LUZP2: variants seen among roughly 807,000 people sequenced by gnomAD.
LUZP2 encodes leucine zipper protein 2.
A neutral mutation model predicts 51.6 loss-of-function variants in LUZP2; 52 were observed. The observed-to-expected ratio is 1.01, with a 90% CI of 0.81 to 1.27. LUZP2 has a LOEUF of 1.27. Ranked by LOEUF, LUZP2 falls within the 50% of genes most tolerant of loss-of-function variation. The pLI is 0.00. For synonymous variants in LUZP2, 154 were observed against 137.3 expected (o/e 1.12, Z -0.85); for missense variants, 436 against 395.4 (o/e 1.10, Z -0.87).
intron 1 of LUZP2, among the ~76,000 whole-genome samples, chr11:24,591,016 G>A (rs1037989643): frequency 2.6e-5 from 4 of 152,162 alleles, no homozygotes; most frequent in Admixed American, 6.6e-5. Flanking sequence ...AGGCTGAGGA[G>A]GCAGATCACT....
chr11:25,004,147 G>C (rs368960008), intron 9 of LUZP2, among the ~76,000 whole-genome samples: 8 of 152,308 alleles, frequency 5.3e-5, no homozygotes, highest in African/African-American at 1.9e-4. Context: ...CCTGAGTCCA[G>C]TTGTTGGATC....
chr11:24,743,673 C>A (rs112319079), intron 4 of LUZP2, among the ~76,000 whole-genome samples: 1 of 152,008 alleles, frequency 6.6e-6, no homozygotes, highest in Non-Finnish European at 1.5e-5. Context: ...AATTTGGATG[C>A]CATTTATTTC....
chr11:24,628,073 T>C (rs1854745462), intron 1 of LUZP2, among the ~76,000 whole-genome samples: 1 of 152,098 alleles, frequency 6.6e-6, no homozygotes, highest in African/African-American at 2.4e-5. Flanking sequence ...AGTTATAAAG[T>C]AAAATATTCT....
chr11:24,683,856 C>T (rs1185948913), intron 1 of LUZP2, among the ~76,000 whole-genome samples: 2 of 152,090 alleles, frequency 1.3e-5, no homozygotes, highest in Non-Finnish European at 2.9e-5. Context: ...GAAGGTTCAA[C>T]TGGCATTGCA....
intron 1 of LUZP2, among the ~76,000 whole-genome samples, chr11:24,565,744 T>C: frequency 6.6e-6 from 1 of 152,008 alleles, no homozygotes; most frequent in East Asian, 1.9e-4. Context: ...AACAGCAAGA[T>C]AATACTAAAA....
chr11:24,950,337 A>G (rs1050333516), intron 7 of LUZP2, among the ~76,000 whole-genome samples: 2 of 151,578 alleles, frequency 1.3e-5, no homozygotes, highest in Non-Finnish European at 3.0e-5. Context: ...ATGATTTCCT[A>G]TGTTCAGTAA....
chr11:24,985,513 TGACAATCTTCTGACCTATGTAG>T (rs1178725031), intron 9 of LUZP2, among the ~76,000 whole-genome samples: 1 of 151,812 alleles, frequency 6.6e-6, no homozygotes, highest in East Asian at 1.9e-4. Context: ...ATAAACCATG[TGACAATCTTCTGACCTATGTAG>T]GAGAGGATGG....
At chr11:24,745,223 C>T (rs1859334192) in intron 4 of LUZP2, among the ~76,000 whole-genome samples, 3 of 152,096 alleles carry the variant, frequency 2.0e-5, no homozygotes, top group Admixed American at 6.6e-5. Context: ...TCTGTTAAGT[C>T]CATTTGTTCC....
intron 1 of LUZP2, among the ~76,000 whole-genome samples, chr11:24,728,873 A>G (rs775978666): frequency 2.6e-5 from 4 of 151,980 alleles, no homozygotes; most frequent in Non-Finnish European, 5.9e-5. Context: ...AGGCCTCCCA[A>G]TCATGGAAGA....
At chr11:24,693,449 C>T (rs1477931099) in intron 1 of LUZP2, among the ~76,000 whole-genome samples, 1 of 151,528 alleles carries the variant, frequency 6.6e-6, no homozygotes, top group East Asian at 1.9e-4. Flanking sequence ...TACTGTTTTC[C>T]ATATATTTTA....
chr11:24,566,623 TACACACAC>T (rs753647707), intron 1 of LUZP2, among the ~76,000 whole-genome samples: 4 of 145,274 alleles, frequency 2.8e-5, no homozygotes, highest in Non-Finnish European at 4.5e-5. Context: ...TGTATAGATA[TACACACAC>T]ACACACACAC....
At chr11:24,697,556 T>C (rs1423200459) in intron 1 of LUZP2, among the ~76,000 whole-genome samples, 1 of 152,148 alleles carries the variant, frequency 6.6e-6, no homozygotes, top group African/African-American at 2.4e-5. Context: ...TGGAAGAAAT[T>C]TAGTTTGTAG....
rs528835510 is a variant in LUZP2 at position 24,901,801 on chromosome 11, C to T, written c.397-4190C>T. On this transcript the variant is annotated intron_variant, in intron 5 of 11. Transcript: ENST00000336930. ...ATCCATTGACCTCCATAATTCTGCTCATTGGCTATAAATCCCCAGCTGTCT... is the reference window on the plus strand; with the variant it reads ...ATCCATTGACCTCCATAATTCTGCTTATTGGCTATAAATCCCCAGCTGTCT... 8.6e-4 allele frequency among the ~76,000 whole-genome samples: 131 copies of T among 152,246 alleles called. 3 individuals are homozygous for T. The South Asian group carries it at 0.027, about 31-fold the overall frequency.
chr11:24,685,430 C>T (rs921952647), intron 1 of LUZP2, among the ~76,000 whole-genome samples: 1 of 152,140 alleles, frequency 6.6e-6, no homozygotes, highest in African/African-American at 2.4e-5. Flanking sequence ...ATACACCCTC[C>T]TCACACAGCA....
At chr11:24,524,964 G>C (rs2133809658) in intron 1 of LUZP2, among the ~76,000 whole-genome samples, 1 of 151,686 alleles carries the variant, frequency 6.6e-6, no homozygotes, top group African/African-American at 2.4e-5. Flanking sequence ...AAGAAATGCA[G>C]GGAGGGAACT....
intron 1 of LUZP2, among the ~76,000 whole-genome samples, chr11:24,530,762 CTTTTTTTTTTTT>C (rs367857815): frequency 1.3e-5 from 1 of 75,372 alleles, no homozygotes. Flanking sequence ...CTTCTTCTTA[CTTTTTTTTTTTT>C]TTTTTTTTTT....
intron 1 of LUZP2, among the ~76,000 whole-genome samples, chr11:24,665,602 G>A (rs538772399): frequency 7.4e-4 from 113 of 152,196 alleles, no homozygotes; most frequent in African/African-American, 2.7e-3. Flanking sequence ...GAATCATGGG[G>A]GCATTTCCCC....
intron 4 of LUZP2, among the ~76,000 whole-genome samples, chr11:24,741,746 G>T (rs1285739898): frequency 6.8e-6 from 1 of 147,750 alleles, no homozygotes; most frequent in Non-Finnish European, 1.5e-5. Flanking sequence ...CTGTTAATTT[G>T]TTCCTTTTTG....
At chr11:24,812,385 T>A (rs1401335281) in intron 5 of LUZP2, among the ~76,000 whole-genome samples, 1 of 152,184 alleles carries the variant, frequency 6.6e-6, no homozygotes, top group Non-Finnish European at 1.5e-5. Context: ...CCCCTTCTGC[T>A]TCTCAGCTCA....
Sources: allele counts gnomAD v4.1 joint callset (sites outside exome capture counted in the v4.1 genomes callset), GRCh38; gene constraint gnomAD v4.1.1; transcripts MANE v1.5; gene names NCBI Gene and HGNC (gene_info 2026-07-23, HGNC 2026-07-21).